The following NPM2 variants were observed in gnomAD, a reference collection of about 807,000 sequenced individuals.
NPM2 encodes the protein nucleoplasmin-2.
NPM2 carries 25 observed loss-of-function variants against 32.0 expected under a neutral mutation model. That is an observed-to-expected ratio of 0.78 (90% CI 0.57 to 1.09). NPM2 has a LOEUF of 1.09. Among genes scored for constraint, NPM2 ranks in the 50% least tolerant of loss-of-function variants. The pLI, the probability that NPM2 is intolerant of heterozygous loss-of-function variation, is 0.00. For missense variants in NPM2, 282 were observed against 259.9 expected (o/e 1.08, Z -0.58); for synonymous variants, 111 against 94.2 (o/e 1.18, Z -1.04).
rs892184273 is a variant in NPM2, at chr8:22,025,517, A to G, written c.140A>G (p.His47Arg). The change falls in exon 4 of 10, where the codon CAT becomes CGT. Residue 47 changes from histidine to arginine, a missense_variant. Coordinates refer to ENST00000518119, the MANE Select transcript of NPM2 (RefSeq NM_001286680.2). The part of the protein sequence containing the change: ...EGKQSCRLLL[H>R]TICLGEKAKE... ...AAGCAGAGCTGCAGGCTGTTGCTTC[A>G]TACGGTAGGTGTTCCCAAAAGAGGG... 5.0e-6 allele frequency: 8 copies of G among 1,613,998 alleles called. No homozygotes were observed. Among genetic ancestry groups the G allele is most frequent in the Non-Finnish European group, 6.8e-6 (8 of 1,180,006 alleles).
intron 8 of NPM2, among the ~76,000 whole-genome samples, chr8:22,036,108 G>C (rs531930629): frequency 6.6e-6 from 1 of 152,000 alleles, no homozygotes; most frequent in African/African-American, 2.4e-5. Flanking sequence ...TGTGGGCCAG[G>C]TGTGGTGGTG....
chr8:22,024,978 GCTCC>G, intron 2 of NPM2, 148 bp downstream of exon 2: 3 of 477,220 alleles, frequency 6.3e-6, no homozygotes, highest in Middle Eastern at 1.1e-3. Context: ...TCGGTGGACA[GCTCC>G]CTCTCCCGTG....
At chr8:22,036,617 A>T in intron 9 of NPM2, 21 bp from the exon 10 acceptor site, 1 of 1,552,536 alleles carries the variant, frequency 6.4e-7, no homozygotes, top group Non-Finnish European at 8.7e-7. Context: ...GGGACCCTGG[A>T]GCCCTGCCTT....
At chr8:22,030,059 C>A (rs1385492082) in intron 5 of NPM2, among the ~76,000 whole-genome samples, 1 of 152,110 alleles carries the variant, frequency 6.6e-6, no homozygotes, top group Non-Finnish European at 1.5e-5. Flanking sequence ...TCTCCCTAGT[C>A]CCTTTTCCAA....
At chr8:22,026,172 G>T (rs967630491) in intron 5 of NPM2, among the ~76,000 whole-genome samples, 1 of 152,110 alleles carries the variant, frequency 6.6e-6, no homozygotes, top group Non-Finnish European at 1.5e-5. Flanking sequence ...CGTGCGAGGG[G>T]TCTAGGTTGC....
At chr8:22,027,889 G>A (rs754236833) in intron 5 of NPM2, among the ~76,000 whole-genome samples, 1 of 152,100 alleles carries the variant, frequency 6.6e-6, no homozygotes, top group African/African-American at 2.4e-5. Flanking sequence ...TTACAGGCAT[G>A]AGCCACCACA....
chr8:22,031,335 C>A (rs1264314604), intron 5 of NPM2, among the ~76,000 whole-genome samples: 1 of 152,208 alleles, frequency 6.6e-6, no homozygotes, highest in Non-Finnish European at 1.5e-5. Context: ...TTGGGCCTCT[C>A]ACTAAGGGTA....
chr8:22,031,093 G>C (rs976226453), intron 5 of NPM2, among the ~76,000 whole-genome samples: 46 of 152,114 alleles, frequency 3.0e-4, no homozygotes, highest in African/African-American at 1.0e-3. Flanking sequence ...TCATAAGCTT[G>C]GGATTTTCTG....
rs1438996892 is a variant in NPM2, at chr8:22,024,471, C to G, written c.-293C>G. On this transcript the variant is annotated 5_prime_UTR_variant, in exon 1 of 10. Coordinates refer to ENST00000518119, the MANE Select transcript of NPM2 (RefSeq NM_001286680.2). ...GAGGCCTCGGCGGGTCCGCAATTGG[C>G]CGGGACAGCTTCTCACGAAAGGTCC... is the stretch of plus-strand genomic sequence containing the variant. The G allele has an allele frequency of 1.3e-5, 2 of 152,538 alleles. No individual in the cohort carries two copies. Among genetic ancestry groups the G allele is most frequent in the Non-Finnish European group, 2.9e-5 (2 of 68,334 alleles). The allele number at this position is 152,538 out of a possible 1,614,324, so 9.4% of individuals were successfully genotyped here.
At chr8:22,034,572 C>T in intron 8 of NPM2, 28 bp downstream of exon 8, 1 of 1,569,334 alleles carries the variant, frequency 6.4e-7, no homozygotes, top group Non-Finnish European at 8.8e-7. Context: ...TTAAATTAGC[C>T]AAAGTCTCCA....
rs576921186 is a variant in NPM2 at position 22,034,294 on chromosome 8, C to T, written c.531+19C>T. ...GGCTAAGGTGGGGGAAGGAGCGTGG[C>T]TGTTTGGAAGGAAGTGGTACCCCTA... is the stretch of plus-strand genomic sequence containing the variant. On this transcript the variant is annotated intron_variant, in intron 7 of 9. Coordinates refer to ENST00000518119, the MANE Select transcript of NPM2 (RefSeq NM_001286680.2). The T allele has an allele frequency of 2.6e-6, 4 of 1,565,272 alleles. No individual in the cohort carries two copies. In the South Asian group the frequency reaches 4.9e-5, roughly 19 times the overall value.
At chr8:22,036,382 C>G in intron 8 of NPM2, 111 bp from the exon 9 acceptor site, 1 of 1,054,122 alleles carries the variant, frequency 9.5e-7, no homozygotes, top group Non-Finnish European at 1.4e-6. Context: ...CCAGGAGGAG[C>G]AGCCAGGCTT....
Position 22,033,250 on chromosome 8 carries a change from G to A in NPM2, c.364+27G>A, listed in dbSNP as rs374431769. On this transcript the variant is annotated intron_variant, in intron 6 of 9. Coordinates refer to ENST00000518119, the MANE Select transcript of NPM2 (RefSeq NM_001286680.2). The stretch of plus-strand genomic sequence containing the variant: ...TAAGTCAGAGCCTGCGATCAGGAAG[G>A]TCCGTGAGTACCGTGCTAGGCAGGG... The A allele has an allele frequency of 5.1e-6, 8 of 1,563,400 alleles. No individual in the cohort carries two copies. The African/African-American group carries it at 5.4e-5, about 11-fold the overall frequency.
chr8:22,034,411 C>A, intron 7 of NPM2, 99 bp from the exon 8 acceptor site: 1 of 1,382,134 alleles, frequency 7.2e-7, no homozygotes, highest in South Asian at 1.3e-5. Flanking sequence ...TCAGCTAGTT[C>A]TGGCCAGGAG....
Position 22,033,388 on chromosome 8 carries a change from C to G in NPM2, c.364+165C>G, listed in dbSNP as rs534375139. On this transcript the variant is annotated intron_variant, in intron 6 of 9. Transcript: ENST00000518119. ...TGGACTGGAAGGCAAGGGCGCTGGT[C>G]CCTGTTCTTCTTCTTTACCTGCCAT... Among the ~76,000 whole-genome samples the G allele has an allele frequency of 3.3e-5, 5 of 152,306 alleles. No individual in the cohort carries two copies. The South Asian group carries it at 8.3e-4, about 25-fold the overall frequency.
chr8:22,036,615 G>A (rs1241635528), intron 9 of NPM2, 23 bp from the exon 10 acceptor site: 3 of 1,552,614 alleles, frequency 1.9e-6, no homozygotes, highest in Non-Finnish European at 2.6e-6. Context: ...ACGGGACCCT[G>A]GAGCCCTGCC....
chr8:22,030,413 A>AT, intron 5 of NPM2, among the ~76,000 whole-genome samples: 1 of 151,076 alleles, frequency 6.6e-6, no homozygotes, highest in Non-Finnish European at 1.5e-5. Flanking sequence ...AATGTTTATT[A>AT]TTTTTTTGTA....
chr8:22,025,433 C>G lies in NPM2; in HGVS notation c.59-3C>G, dbSNP rs755930789. ...CCCACTTCCCTCCCTTTCTCCTCCG[C>G]AGGCTGCGAGCTCAGTCAGGAGAGG... is the stretch of plus-strand genomic sequence containing the variant. On this transcript the variant is annotated splice_polypyrimidine_tract_variant and splice_region_variant and intron_variant, in intron 3 of 9. Coordinates refer to ENST00000518119, the MANE Select transcript of NPM2 (RefSeq NM_001286680.2). 5 of 1,613,746 alleles carry G rather than the reference C, an allele frequency of 3.1e-6. No individual in the cohort carries two copies. In the East Asian group the frequency reaches 8.9e-5, roughly 29 times the overall value.
chr8:22,036,647 A>G lies in NPM2; in HGVS notation c.610A>G (p.Thr204Ala). Residue 204 changes from threonine (T) to alanine (A), a missense_variant, in exon 10 of 10, where the codon ACA becomes GCA. Thr to Ala is a moderately conservative substitution (Grantham distance 58). Coordinates refer to ENST00000518119, the MANE Select transcript of NPM2 (RefSeq NM_001286680.2). ...DKSPVKKAKA[T>A]ARAKKPGFKK ...TGCCTTCCCTCCACAGGCCAAAGCC[A>G]CAGCCAGAGCCAAGAAGCCAGGATT... 6.5e-7 allele frequency: 1 copy of G among 1,550,140 alleles called. No individual in the cohort carries two copies. The highest frequency in any genetic ancestry group is 8.7e-7 in the Non-Finnish European group (1 of 1,146,828).
Sources: gnomAD v4.1 joint callset for allele counts (sites outside exome capture counted in the v4.1 genomes callset) on GRCh38, gnomAD v4.1.1 for gene constraint, MANE v1.5 for transcripts, NCBI Gene and HGNC (gene_info 2026-07-23, HGNC 2026-07-21) for gene names.